FRZB: variants seen among roughly 807,000 people sequenced by gnomAD.
The protein encoded by FRZB is secreted frizzled-related protein 3.
FRZB carries 34 observed loss-of-function variants against 32.5 expected under a neutral mutation model. The observed-to-expected ratio is 1.05, with a 90% CI of 0.80 to 1.39. The LOEUF (loss-of-function observed/expected upper bound fraction) is 1.39. Among genes scored for constraint, FRZB ranks in the 40% most tolerant of loss-of-function variants. The pLI is 0.00. For missense variants in FRZB, 423 were observed against 424.8 expected, an observed-to-expected ratio of 1.00 and a Z score of 0.04; for synonymous variants, 170 against 159.2, an observed-to-expected ratio of 1.07 and a Z score of -0.51.
chr2:182,866,398 T>G lies in FRZB; in HGVS notation c.155A>C (p.Lys52Thr). 8 of 1,611,874 alleles carry G rather than the reference T, an allele frequency of 5.0e-6. No individual in the cohort carries two copies. The South Asian group carries it at 8.8e-5, about 18-fold the overall frequency. Residue 52 changes from lysine to threonine, a missense_variant, in exon 1 of 6, where the codon AAG (lysine) becomes ACG (threonine). Transcript: ENST00000295113. This position sits in a 1 kb window ranked among gnomAD's most constrained non-coding sequence, Gnocchi z 4.5. ...LCKSLPWNMT[K>T]MPNHLHHSTQ... ...GCTGTGGTGCAGGTGGTTGGGCATCTTAGTCATGTTCCAGGGCAGGGACTT... is the reference window on the plus strand; with the variant it reads ...GCTGTGGTGCAGGTGGTTGGGCATCGTAGTCATGTTCCAGGGCAGGGACTT...
At chr2:182,843,468 T>C (rs169641) in intron 2 of FRZB, among the ~76,000 whole-genome samples, 141,078 of 152,228 alleles carry the variant, frequency 0.93, 65,413 homozygotes, top group East Asian at 0.98. Context: ...TACACAATTA[T>C]CTTAAAATAT....
chr2:182,862,082 T>C (rs940901704), intron 1 of FRZB, among the ~76,000 whole-genome samples: 8 of 152,216 alleles, frequency 5.3e-5, no homozygotes, highest in Non-Finnish European at 1.5e-5. Flanking sequence ...TCCTTCTTGG[T>C]ACTTGGCCCC....
chr2:182,862,685 T>A (rs953550023), intron 1 of FRZB, among the ~76,000 whole-genome samples: 3 of 152,174 alleles, frequency 2.0e-5, no homozygotes, highest in African/African-American at 7.2e-5. Flanking sequence ...ACAGTGATAA[T>A]AGTAAAACAG....
chr2:182,850,990 A>T (rs1362351242), intron 2 of FRZB, among the ~76,000 whole-genome samples: 1 of 152,168 alleles, frequency 6.6e-6, no homozygotes, highest in African/African-American at 2.4e-5. Context: ...ATTTTTTCAT[A>T]TACCTGTTGG....
In FRZB at chr2:182,858,624, G is replaced by A. The variant is rs192485213; in HGVS notation, c.526+162C>T. On this transcript the variant is annotated intron_variant, in intron 2 of 5. Transcript: ENST00000295113. ...CCAAATAAAAGTCCAATTTTACTAC[G>A]TGCTAATTTTAAAAATAAAATTAAT... 6.8e-3 allele frequency among the ~76,000 whole-genome samples: 1,033 copies of A among 152,076 alleles called. 8 individuals are homozygous for A. Among genetic ancestry groups the A allele is most frequent in the Non-Finnish European group, 0.012 (805 of 67,956 alleles).
chr2:182,857,484 G>A (rs1032778093), intron 2 of FRZB, among the ~76,000 whole-genome samples: 1 of 151,808 alleles, frequency 6.6e-6, no homozygotes, highest in African/African-American at 2.4e-5. Context: ...GCTGGGTGTG[G>A]TGGTGCACAC....
Position 182,834,790 on chromosome 2 carries a change from C to G in FRZB, c.*59G>C, listed in dbSNP as rs1367861045. 1.7e-6 allele frequency: 2 copies of G among 1,192,422 alleles called. No homozygotes were observed. Among genetic ancestry groups the G allele is most frequent in the African/African-American group, 3.0e-5 (2 of 65,914 alleles). The allele number at this position is 1,192,422 out of a possible 1,614,324, so 73.9% of individuals were successfully genotyped here. A position where few individuals can be genotyped will look rare whatever the true frequency, so the allele number is the denominator to read the frequency against. On this transcript the variant is annotated 3_prime_UTR_variant, in exon 6 of 6. Transcript: ENST00000295113. ...ATAGTGCAATTTTCCTTTGCTAGTC[C>G]AGCAATGCAAGTAAGTCTTAATAGG... is the stretch of plus-strand genomic sequence containing the variant.
chr2:182,843,389 G>C (rs1695605838), intron 2 of FRZB, among the ~76,000 whole-genome samples: 1 of 151,968 alleles, frequency 6.6e-6, no homozygotes, highest in Non-Finnish European at 1.5e-5. Flanking sequence ...ATATTACTTA[G>C]CTAAGAAATA....
At position 182,858,850 on chromosome 2, in the gene FRZB, G is replaced by GA. The variant is rs1159555940; in HGVS notation, c.479-18dup. 3 of 1,598,524 alleles carry GA rather than the reference G, an allele frequency of 1.9e-6. No individual in the cohort carries two copies. The highest frequency in any genetic ancestry group is 2.6e-6 in the Non-Finnish European group (3 of 1,168,250). ...TAGGAAAATCTGAAAGGAGGTGACA[G>GA]AAAAAAGAACTATAACATATCTATT... On this transcript the variant is annotated splice_polypyrimidine_tract_variant and intron_variant, in intron 1 of 5. Transcript: ENST00000295113.
Position 182,866,510 on chromosome 2 carries a change from C to T in FRZB, c.43G>A (p.Gly15Arg), listed in dbSNP as rs760667720. ...CAGAGAGCAGCCAGGGCAAGCAGCC[C>T]GGCCCGCAGCAGCAGCATCCCTCCC... ...SPGGMLLLRA[G>R]LLALAALCLL... The change falls in exon 1 of 6, where the codon GGG becomes AGG. Residue 15 changes from glycine to arginine, a missense_variant. Physicochemically the swap from Gly to Arg is moderately radical, Grantham distance 125. Transcript: ENST00000295113. This position sits in a 1 kb window ranked among gnomAD's most constrained non-coding sequence, Gnocchi z 4.5. 2 of 1,501,166 alleles carry T rather than the reference C, an allele frequency of 1.3e-6. No homozygotes were observed. Among genetic ancestry groups the T allele is most frequent in the East Asian group, 2.4e-5 (1 of 41,990 alleles). 93.0% of individuals were successfully genotyped at this position (1,501,166 alleles called of 1,614,324 possible).
At chr2:182,837,370 A>T (rs924060105) in intron 5 of FRZB, among the ~76,000 whole-genome samples, 3 of 152,060 alleles carry the variant, frequency 2.0e-5, no homozygotes, top group African/African-American at 7.2e-5. Flanking sequence ...TTCATCGGAC[A>T]TCATTGTTTA....
intron 1 of FRZB, among the ~76,000 whole-genome samples, chr2:182,863,459 C>T (rs142182455): frequency 6.6e-6 from 1 of 152,212 alleles, no homozygotes; most frequent in Non-Finnish European, 1.5e-5. Flanking sequence ...AAGCATTACT[C>T]CATTTCAGTA....
chr2:182,849,191 C>A (rs1437616684), intron 2 of FRZB, among the ~76,000 whole-genome samples: 4 of 151,860 alleles, frequency 2.6e-5, no homozygotes, highest in Non-Finnish European at 5.9e-5. Flanking sequence ...CGCGCCACTG[C>A]ACTCCAGCCT....
chr2:182,865,975 TC>T (rs1371530611), intron 1 of FRZB, 99 bp downstream of exon 1: 3 of 873,898 alleles, frequency 3.4e-6, no homozygotes. Context: ...GATTAAGTGA[TC>T]CGAAGAGAAA....
rs1695488951 is a variant in FRZB at position 182,833,598 on chromosome 2, T to C, written c.*1251A>G. On this transcript the variant is annotated 3_prime_UTR_variant, in exon 6 of 6. Coordinates refer to ENST00000295113, the MANE Select transcript of FRZB (RefSeq NM_001463.4). ...CTAGGGACCATCTATAAAAGCATCA[T>C]TTGTTCACCACAGCCCCTGGGATCT... The C allele has an allele frequency of 6.6e-6, 1 of 152,166 alleles. No individual in the cohort carries two copies. Among genetic ancestry groups the C allele is most frequent in the East Asian group, 1.9e-4 (1 of 5,180 alleles). The allele number at this position is 152,166 out of a possible 1,614,324, so 9.4% of individuals were successfully genotyped here. A position where few individuals can be genotyped will look rare whatever the true frequency, so the allele number is the denominator to read the frequency against.
intron 4 of FRZB, 38 bp from the exon 5 acceptor site, chr2:182,838,049 A>T: frequency 6.6e-7 from 1 of 1,520,476 alleles, no homozygotes. Context: ...TTGAAAAATT[A>T]AAACCTGTTA....
At chr2:182,864,734 A>G (rs779389031) in intron 1 of FRZB, among the ~76,000 whole-genome samples, 7 of 152,166 alleles carry the variant, frequency 4.6e-5, no homozygotes, top group African/African-American at 7.2e-5. Context: ...CAATTTCCCG[A>G]TAACTAAGAA....
rs75490154 is a variant in FRZB at position 182,859,523 on chromosome 2, C to T, written c.479-690G>A. 4.4e-3 allele frequency among the ~76,000 whole-genome samples: 673 copies of T among 152,240 alleles called. 13 individuals carry two copies. The East Asian group carries it at 0.058, about 13-fold the overall frequency. ...CAGCGGAACACCGTGCTGAGAGATG[C>T]TGTACCTAGCAATATATCCTTATTG... On this transcript the variant is annotated intron_variant, in intron 1 of 5. Transcript: ENST00000295113.
At chr2:182,843,093 A>G (rs112055755) in intron 2 of FRZB, among the ~76,000 whole-genome samples, 9 of 152,340 alleles carry the variant, frequency 5.9e-5, no homozygotes, top group African/African-American at 2.2e-4. Context: ...AGCCCCTTCT[A>G]TAGGTAAAAT....
Sources: allele counts gnomAD v4.1 joint callset (sites outside exome capture counted in the v4.1 genomes callset), GRCh38; gene constraint gnomAD v4.1.1; non-coding constraint Gnocchi (gnomAD v3.1); transcripts MANE v1.5; gene names NCBI Gene and HGNC (gene_info 2026-07-23, HGNC 2026-07-21).